RBBP5: variants seen among roughly 807,000 people sequenced by gnomAD.
RBBP5 encodes RB binding protein 5, histone lysine methyltransferase complex subunit, also known as retinoblastoma-binding protein 5.
Under a neutral mutation model 72.2 loss-of-function variants are expected in RBBP5, and 5 were observed. The ratio of observed to expected loss-of-function variants is 0.07; its 90% CI spans 0.04 to 0.15. RBBP5 has a LOEUF of 0.15. RBBP5 is among the 10% of genes least tolerant of loss of function. The pLI is 1.00. For missense variants in RBBP5, 322 were observed against 652.2 expected (o/e 0.49, Z 5.51); for synonymous variants, 209 against 237.2 (o/e 0.88, Z 1.09).
intron 1 of RBBP5, 136 bp from the exon 2 acceptor site, chr1:205,116,019 A>G (rs752604568): frequency 3.8e-6 from 6 of 1,571,444 alleles, no homozygotes; most frequent in East Asian, 2.3e-5. Context: ...CCATGAGGCC[A>G]TACGGATTTT....
chr1:205,093,118 T>G (rs1655414690), intron 13 of RBBP5, among the ~76,000 whole-genome samples: 2 of 152,100 alleles, frequency 1.3e-5, no homozygotes, highest in Admixed American at 6.6e-5. Context: ...CTAGTCATTC[T>G]GCAATCTTTG....
intron 10 of RBBP5, among the ~76,000 whole-genome samples, chr1:205,098,674 T>A (rs1432237783): frequency 6.6e-6 from 1 of 151,844 alleles, no homozygotes; most frequent in African/African-American, 2.4e-5. Context: ...GGAAACCCCA[T>A]CTCTACTAAA....
At chr1:205,104,126 C>A in intron 4 of RBBP5, 107 bp from the exon 5 acceptor site, 1 of 1,205,224 alleles carries the variant, frequency 8.3e-7, no homozygotes, top group Non-Finnish European at 1.2e-6. Context: ...TTCTCCCACC[C>A]AAGCAAATTT....
intron 5 of RBBP5, 127 bp downstream of exon 5, chr1:205,103,730 C>G: frequency 9.3e-7 from 1 of 1,080,022 alleles, no homozygotes; most frequent in Non-Finnish European, 1.3e-6. Context: ...GAAAATTAGA[C>G]TACATTTGCT....
chr1:205,118,120 G>C (rs1315041980), intron 1 of RBBP5, among the ~76,000 whole-genome samples: 2 of 151,912 alleles, frequency 1.3e-5, no homozygotes, highest in African/African-American at 2.4e-5. Context: ...TCAACTGCTT[G>C]TAAGTGCTTT....
intron 3 of RBBP5, among the ~76,000 whole-genome samples, chr1:205,109,877 G>C (rs1036497565): frequency 2.6e-5 from 4 of 151,940 alleles, no homozygotes; most frequent in African/African-American, 9.7e-5. Context: ...CCTAACAAGG[G>C]GGGTGGCAAG....
chr1:205,107,967 A>C (rs1656143944), intron 3 of RBBP5, among the ~76,000 whole-genome samples: 1 of 138,092 alleles, frequency 7.2e-6, no homozygotes, highest in Non-Finnish European at 1.6e-5. Context: ...AAAAAAAGGC[A>C]GGCGCTGTGG....
intron 13 of RBBP5, among the ~76,000 whole-genome samples, chr1:205,094,353 A>G (rs1655530980): frequency 6.6e-6 from 1 of 152,232 alleles, no homozygotes; most frequent in Non-Finnish European, 1.5e-5. Context: ...CTGGAATACT[A>G]AGAGAGAGAA....
In RBBP5 at chr1:205,103,911, C is replaced by T. The variant is rs61759884; in HGVS notation, c.468G>A (p.Val156=). ...ATTCCCCTCGCCTATCAAAAGATGC[C>T]ACAACGTTCAAATCGGAGTCATCGT... The part of the protein sequence containing the change: ...PVDDDSDLNV[V]ASFDRRGEYI... The change falls in exon 5 of 14, where the codon GTG becomes GTA. Residue 156 remains valine (V), a synonymous_variant. Transcript: ENST00000264515. 8.3e-4 allele frequency: 1,346 copies of T among 1,614,092 alleles called. 13 individuals are homozygous for T. In the African/African-American group the frequency reaches 0.016, roughly 19 times the overall value.
intron 3 of RBBP5, among the ~76,000 whole-genome samples, chr1:205,109,789 A>T (rs1656232335): frequency 6.6e-6 from 1 of 152,204 alleles, no homozygotes. Flanking sequence ...TCCCAAAAAC[A>T]GATGGGTCTT....
At chr1:205,094,821 C>T (rs3738154) in intron 13 of RBBP5, 52 bp downstream of exon 13, 644,495 of 1,540,704 alleles carry the variant, frequency 0.42, 140,712 homozygotes, top group Non-Finnish European at 0.45. Flanking sequence ...TCAAGGGCTA[C>T]ACAAAGCAAG....
intron 3 of RBBP5, among the ~76,000 whole-genome samples, chr1:205,113,686 A>AT (rs34699278): frequency 0.44 from 55,102 of 125,492 alleles, 11,880 homozygotes; most frequent in East Asian, 0.9. Flanking sequence ...AAAAATGTGT[A>AT]TTTTTTTTTT....
chr1:205,090,412 A>C (rs980377390), intron 13 of RBBP5, among the ~76,000 whole-genome samples: 8 of 152,238 alleles, frequency 5.3e-5, no homozygotes, highest in African/African-American at 1.9e-4. Context: ...ACTGGAGGGC[A>C]GCTCATGTTT....
chr1:205,121,053 A>G (rs540689537), intron 1 of RBBP5, among the ~76,000 whole-genome samples: 5 of 152,236 alleles, frequency 3.3e-5, no homozygotes, highest in Admixed American at 6.5e-5. Flanking sequence ...GACAATTAAC[A>G]TATCTTCTGA....
rs1558573771 is a variant in RBBP5 at position 205,099,382 on chromosome 1, G to GT, written c.979-277dup. On this transcript the variant is annotated intron_variant, in intron 9 of 13. Coordinates refer to ENST00000264515, the MANE Select transcript of RBBP5 (RefSeq NM_005057.4). This position sits in a 1 kb window ranked among gnomAD's most constrained non-coding sequence, Gnocchi z 4.7. ...TAGAGGTAAAATGTTAAATTTTCTTGTAAGTACACTGATTACAAACATAAT... is the reference window on the plus strand; with the variant it reads ...TAGAGGTAAAATGTTAAATTTTCTTGTTAAGTACACTGATTACAAACATAAT... Among the ~76,000 whole-genome samples, 1 of 152,042 alleles carries GT rather than the reference G, an allele frequency of 6.6e-6. No individual in the cohort carries two copies. Among genetic ancestry groups the GT allele is most frequent in the Non-Finnish European group, 1.5e-5 (1 of 68,030 alleles).
intron 3 of RBBP5, among the ~76,000 whole-genome samples, chr1:205,107,946 C>CAAA (rs772446580): frequency 1.8e-4 from 18 of 100,024 alleles, no homozygotes; most frequent in African/African-American, 5.0e-4. Flanking sequence ...AAATCTGTCT[C>CAAA]AAAAAAAAAA....
intron 13 of RBBP5, among the ~76,000 whole-genome samples, chr1:205,090,628 T>C (rs893656901): frequency 1.7e-4 from 26 of 152,178 alleles, no homozygotes; most frequent in Non-Finnish European, 1.9e-4. Context: ...ACATATTATT[T>C]AGCTACAACA....
Position 205,099,795 on chromosome 1 carries a change from G to A in RBBP5, c.924C>T (p.Pro308=), listed in dbSNP as rs1214152102. 6 of 1,613,810 alleles carry A rather than the reference G, an allele frequency of 3.7e-6. No individual in the cohort carries two copies. The highest frequency in any genetic ancestry group is 5.1e-6 in the Non-Finnish European group (6 of 1,179,716). ...CTCCACTGGAAATGGATGCTATGAT[G>A]GGTCGAACAGGATGCCACTAAATTT... is the stretch of plus-strand genomic sequence containing the variant. The part of the protein sequence containing the change: ...LLDVAWHPVR[P]IIASISSGVV... Residue 308 remains proline, a synonymous_variant, in exon 9 of 14, where the codon CCC becomes CCT. Transcript: ENST00000264515. This position sits in a 1 kb window ranked among gnomAD's most constrained non-coding sequence, Gnocchi z 4.7.
chr1:205,098,844 CAAAAAAAA>C, intron 10 of RBBP5, 137 bp downstream of exon 10: 1 of 282,952 alleles, frequency 3.5e-6, no homozygotes, highest in Non-Finnish European at 5.8e-6. Context: ...AATTCCATCT[CAAAAAAAA>C]AAAAAAAAAA....
Sources: gnomAD v4.1 joint callset for allele counts (sites outside exome capture counted in the v4.1 genomes callset) on GRCh38, gnomAD v4.1.1 for gene constraint, Gnocchi (gnomAD v3.1) non-coding constraint, MANE v1.5 for transcripts, NCBI Gene and HGNC (gene_info 2026-07-23, HGNC 2026-07-21) for gene names.